Variants in RCAN2 observed in about 807,000 individuals in gnomAD.
The protein encoded by RCAN2 is calcipressin-2.
RCAN2 carries 9 observed loss-of-function variants against 23.6 expected under a neutral mutation model. The ratio of observed to expected loss-of-function variants is 0.38; its 90% CI spans 0.23 to 0.67. The LOEUF is 0.67. Among genes scored for constraint, RCAN2 ranks in the 30% least tolerant of loss-of-function variants. The probability of loss-of-function intolerance (pLI) is 0.51; values close to 1 mark genes in which losing one functional copy is unlikely to be tolerated. For missense variants in RCAN2, 273 were observed against 302.3 expected, an observed-to-expected ratio of 0.90 and a Z score of 0.72; for synonymous variants, 109 against 115.7, an observed-to-expected ratio of 0.94 and a Z score of 0.37.
chr6:46,238,285 C>T (rs1766178683), intron 4 of RCAN2, among the ~76,000 whole-genome samples: 1 of 152,204 alleles, frequency 6.6e-6, no homozygotes, highest in African/African-American at 2.4e-5. Flanking sequence ...CGACCCCTTA[C>T]TAGGCGTTCT....
At chr6:46,270,266 G>A (rs1767480392) in intron 2 of RCAN2, among the ~76,000 whole-genome samples, 1 of 152,146 alleles carries the variant, frequency 6.6e-6, no homozygotes, top group South Asian at 2.1e-4. Context: ...GAGGAGAGAA[G>A]CGCTGACTCT....
At chr6:46,464,383 A>T (rs1345812782) in intron 1 of RCAN2, among the ~76,000 whole-genome samples, 1 of 152,188 alleles carries the variant, frequency 6.6e-6, no homozygotes, top group African/African-American at 2.4e-5. Context: ...TTTACAATTA[A>T]ATTTTATTAT....
At chr6:46,382,862 T>C (rs1351326807) in intron 2 of RCAN2, among the ~76,000 whole-genome samples, 1 of 152,164 alleles carries the variant, frequency 6.6e-6, no homozygotes, top group Non-Finnish European at 1.5e-5. Flanking sequence ...AATAAACCTT[T>C]CTCTTTGAAT....
intron 2 of RCAN2, among the ~76,000 whole-genome samples, chr6:46,412,884 G>T (rs893551819): frequency 6.6e-6 from 1 of 152,144 alleles, no homozygotes; most frequent in Admixed American, 6.5e-5. Context: ...GAAGCCAGAG[G>T]GCGTGGGTAA....
chr6:46,410,532 C>A (rs72866407), intron 2 of RCAN2, among the ~76,000 whole-genome samples: 9,291 of 152,198 alleles, frequency 0.061, 384 homozygotes, highest in Non-Finnish European at 0.087. Flanking sequence ...CTTTCTCCAC[C>A]TTCTGGCCAC....
At chr6:46,412,554 A>G (rs1766577793) in intron 2 of RCAN2, among the ~76,000 whole-genome samples, 1 of 152,230 alleles carries the variant, frequency 6.6e-6, no homozygotes, top group African/African-American at 2.4e-5. Flanking sequence ...GAAAAACAGG[A>G]GAATAAGACA....
chr6:46,266,527 G>C (rs1291160434), intron 2 of RCAN2, among the ~76,000 whole-genome samples: 2 of 152,106 alleles, frequency 1.3e-5, no homozygotes, highest in Non-Finnish European at 2.9e-5. Flanking sequence ...TGAGCTGATT[G>C]GTAATGTGAC....
rs953718958 is a variant in RCAN2, at chr6:46,220,745, C to T, written c.*2396G>A. ...ACCACATGGACAAAGAGTCATTCAC[C>T]AGATATATTTGAAGTCTAAGCTCTT... On this transcript the variant is annotated 3_prime_UTR_variant, in exon 5 of 5. Transcript: ENST00000371374. 7.2e-5 allele frequency: 11 copies of T among 152,602 alleles called. No homozygotes were observed. Among genetic ancestry groups the T allele is most frequent in the African/African-American group, 2.4e-4 (10 of 41,432 alleles). The allele number at this position is 152,602 out of a possible 1,614,324, so 9.5% of individuals were successfully genotyped here. A position where few individuals can be genotyped will look rare whatever the true frequency, so the allele number is the denominator to read the frequency against.
At chr6:46,433,517 CAG>C (rs1273323764) in intron 2 of RCAN2, among the ~76,000 whole-genome samples, 1 of 152,112 alleles carries the variant, frequency 6.6e-6, no homozygotes, top group African/African-American at 2.4e-5. Flanking sequence ...GGATCAGACT[CAG>C]AGAAGGAGGT....
At chr6:46,294,936 T>C in intron 2 of RCAN2, among the ~76,000 whole-genome samples, 1 of 151,282 alleles carries the variant, frequency 6.6e-6, no homozygotes, top group Admixed American at 6.6e-5. Flanking sequence ...ACCTGGAGAG[T>C]GACAAAAAAT....
intron 4 of RCAN2, among the ~76,000 whole-genome samples, chr6:46,239,892 A>G (rs147261383): frequency 0.01 from 1,548 of 152,310 alleles, 28 homozygotes; most frequent in African/African-American, 0.035. Context: ...TATGGGATCA[A>G]CTGATTGACT....
chr6:46,325,351 T>G (rs763342023), intron 2 of RCAN2: 2 of 1,610,450 alleles, frequency 1.2e-6, no homozygotes, highest in Admixed American at 3.4e-5. Flanking sequence ...CCAAGCAGCG[T>G]CAGTAACAGC....
At chr6:46,247,032 C>T (rs1196947106) in intron 3 of RCAN2, 113 bp from the exon 4 acceptor site, 8 of 832,126 alleles carry the variant, frequency 9.6e-6, no homozygotes, top group African/African-American at 1.7e-5. Flanking sequence ...ACCGATGAAC[C>T]CGACCGTAAT....
At chr6:46,262,907 C>T (rs1024533491) in intron 2 of RCAN2, among the ~76,000 whole-genome samples, 2 of 152,184 alleles carry the variant, frequency 1.3e-5, no homozygotes, top group Non-Finnish European at 2.9e-5. Flanking sequence ...TCTCTCAAGT[C>T]CTAGCTCATA....
At chr6:46,476,898 A>G (rs1027957938) in intron 1 of RCAN2, among the ~76,000 whole-genome samples, 1 of 152,192 alleles carries the variant, frequency 6.6e-6, no homozygotes, top group African/African-American at 2.4e-5. Flanking sequence ...TCGGTCCCCC[A>G]ACTCTGACCT....
At chr6:46,305,537 A>T (rs1364255769) in intron 2 of RCAN2, among the ~76,000 whole-genome samples, 1 of 151,714 alleles carries the variant, frequency 6.6e-6, no homozygotes, top group African/African-American at 2.4e-5. Context: ...ACTAAATAAG[A>T]CTTCTGCTTG....
intron 2 of RCAN2, among the ~76,000 whole-genome samples, chr6:46,415,808 A>G (rs530372883): frequency 1.3e-5 from 2 of 152,238 alleles, no homozygotes; most frequent in African/African-American, 2.4e-5. Context: ...AATGAATTTC[A>G]TATACACTCG....
In RCAN2 at chr6:46,278,840, A is replaced by T. The variant is rs984496179; in HGVS notation, c.226-29944T>A. Among the ~76,000 whole-genome samples the T allele has an allele frequency of 2.0e-5, 3 of 152,290 alleles. No individual in the cohort carries two copies. The South Asian group carries it at 6.2e-4, about 32-fold the overall frequency. On this transcript the variant is annotated intron_variant, in intron 2 of 4. Coordinates refer to ENST00000371374, the MANE Select transcript of RCAN2 (RefSeq NM_001251974.2). ...TTGCAAATATTTTAAAATTCCATGT[A>T]CTGGATGCTCATTTTCTTATCAACT...
intron 2 of RCAN2, among the ~76,000 whole-genome samples, chr6:46,319,568 A>C (rs1763543429): frequency 6.6e-6 from 1 of 152,166 alleles, no homozygotes; most frequent in South Asian, 2.1e-4. Context: ...GTCTTTACCA[A>C]ATGTGATAGG....
Sources: allele counts gnomAD v4.1 joint callset (sites outside exome capture counted in the v4.1 genomes callset), GRCh38; gene constraint gnomAD v4.1.1; transcripts MANE v1.5; gene names NCBI Gene and HGNC (gene_info 2026-07-23, HGNC 2026-07-21).